ATP2B2: variants seen among roughly 807,000 people sequenced by gnomAD.
The protein encoded by ATP2B2 is plasma membrane calcium-transporting ATPase 2.
Under a neutral mutation model 120.0 loss-of-function variants are expected in ATP2B2, and 15 were observed. The ratio of observed to expected loss-of-function variants is 0.12; its 90% CI spans 0.08 to 0.19. The LOEUF (loss-of-function observed/expected upper bound fraction) is 0.19, where lower values mean the gene tolerates loss of function less well. Ranked by LOEUF, ATP2B2 falls within the 10% of genes least tolerant of loss-of-function variation. The pLI is 1.00. For synonymous variants in ATP2B2, 694 were observed against 700.3 expected, an observed-to-expected ratio of 0.99 and a Z score of 0.14; for missense variants, 1,045 against 1,719.8, an observed-to-expected ratio of 0.61 and a Z score of 6.94.
In ATP2B2 at chr3:10,449,714, A is replaced by AGC; in HGVS notation, c.-172_-171insGC. On this transcript the variant is annotated 5_prime_UTR_variant, in exon 2 of 23. It removes the in-frame stop codon of an upstream open reading frame in the 5' UTR. Transcript: ENST00000360273. The stretch of plus-strand genomic sequence containing the variant: ...GGGGTGGCCGAGGCGGGCTGGTGAC[A>AGC]GTGGTGGTGAGCTCCAAGAGGTGTC... 1.3e-6 allele frequency: 1 copy of AGC among 745,520 alleles called. No individual in the cohort carries two copies. Among genetic ancestry groups the AGC allele is most frequent in the Non-Finnish European group, 2.3e-6 (1 of 429,300 alleles). The allele number at this position is 745,520 out of a possible 1,614,324, so 46.2% of individuals were successfully genotyped here.
intron 2 of ATP2B2, among the ~76,000 whole-genome samples, chr3:10,585,837 C>T (rs1424023424): frequency 1.3e-5 from 2 of 152,114 alleles, no homozygotes; most frequent in Non-Finnish European, 2.9e-5. Flanking sequence ...TTGGTAGTGC[C>T]CTCAAAACTA....
intron 2 of ATP2B2, among the ~76,000 whole-genome samples, chr3:10,573,338 T>G (rs2068170574): frequency 6.6e-6 from 1 of 152,196 alleles, no homozygotes; most frequent in Admixed American, 6.5e-5. Flanking sequence ...GAGCTGTTGC[T>G]ATTTTGAAGT....
intron 1 of ATP2B2, among the ~76,000 whole-genome samples, chr3:10,486,781 A>G (rs568979380): frequency 2.6e-5 from 4 of 152,242 alleles, no homozygotes; most frequent in South Asian, 2.1e-4. Context: ...GTGCAGTGGC[A>G]TGATCTTGGC....
At chr3:10,706,724 T>C (rs1334264625) in intron 1 of ATP2B2, among the ~76,000 whole-genome samples, 1 of 151,416 alleles carries the variant, frequency 6.6e-6, no homozygotes, top group African/African-American at 2.4e-5. Flanking sequence ...ACTTTAAGAA[T>C]ATTAACTCAT....
At chr3:10,465,349 T>C (rs1181329806) in intron 1 of ATP2B2, among the ~76,000 whole-genome samples, 2 of 152,252 alleles carry the variant, frequency 1.3e-5, no homozygotes, top group Non-Finnish European at 2.9e-5. Flanking sequence ...TTTCTCAGCC[T>C]TGCAGTTGCC....
At chr3:10,335,717 C>T (rs923578633) in intron 22 of ATP2B2, among the ~76,000 whole-genome samples, 9 of 152,234 alleles carry the variant, frequency 5.9e-5, no homozygotes, top group African/African-American at 2.2e-4. Context: ...AACTCCAACC[C>T]TTGCCTTGGT....
chr3:10,630,230 TG>T (rs2069824542), intron 1 of ATP2B2, among the ~76,000 whole-genome samples: 1 of 152,194 alleles, frequency 6.6e-6, no homozygotes, highest in South Asian at 2.1e-4. Flanking sequence ...ACTTGTGCCA[TG>T]GGGGTTTGTT....
At chr3:10,617,480 G>A (rs2069423291) in intron 2 of ATP2B2, among the ~76,000 whole-genome samples, 1 of 152,246 alleles carries the variant, frequency 6.6e-6, no homozygotes, top group Admixed American at 6.5e-5. Flanking sequence ...ACTTAGGAAG[G>A]GAACGAAAGG....
rs567108654 is a variant in ATP2B2 at position 10,351,891 on chromosome 3, G to A, written c.2137-1314C>T. On this transcript the variant is annotated intron_variant, in intron 14 of 22. Coordinates refer to ENST00000360273, the MANE Select transcript of ATP2B2 (RefSeq NM_001001331.4). ...GAGGCAGAGACAGCTCCTCCCTATCGTCACTGGAAAGAGCCAGCCCTGCTG... is the reference window on the plus strand; with the variant it reads ...GAGGCAGAGACAGCTCCTCCCTATCATCACTGGAAAGAGCCAGCCCTGCTG... Among the ~76,000 whole-genome samples the A allele has an allele frequency of 5.3e-5, 8 of 152,338 alleles. No individual in the cohort carries two copies. In the East Asian group the frequency reaches 5.8e-4, roughly 11 times the overall value.
At chr3:10,591,790 G>T (rs892514972) in intron 2 of ATP2B2, among the ~76,000 whole-genome samples, 6 of 152,172 alleles carry the variant, frequency 3.9e-5, no homozygotes, top group Non-Finnish European at 8.8e-5. Context: ...GCTTAGGCTT[G>T]CACTGCTGAA....
At chr3:10,400,819 T>C (rs2062193975) in intron 5 of ATP2B2, 134 bp downstream of exon 5, 3 of 1,390,838 alleles carry the variant, frequency 2.2e-6, no homozygotes, top group Non-Finnish European at 2.0e-6. Context: ...GAGTTCTCAC[T>C]TGGGGCTGAG....
At chr3:10,696,052 G>A (rs985539691) in intron 1 of ATP2B2, among the ~76,000 whole-genome samples, 5 of 152,090 alleles carry the variant, frequency 3.3e-5, no homozygotes, top group East Asian at 1.9e-4. Flanking sequence ...GATAGTTCTC[G>A]TCTTAACATA....
At chr3:10,604,518 T>C (rs1189526046) in intron 2 of ATP2B2, among the ~76,000 whole-genome samples, 1 of 152,116 alleles carries the variant, frequency 6.6e-6, no homozygotes, top group Non-Finnish European at 1.5e-5. Context: ...CTGCACAGAG[T>C]CTGGAATCCA....
Position 10,550,582 on chromosome 3 carries a change from A to G in ATP2B2, c.-414-16449T>C, listed in dbSNP as rs548868331. On this transcript the variant is annotated intron_variant, in intron 2 of 21. Coordinates refer to the ATP2B2 transcript ENST00000646379. ...AAACATTTCTCCCTTCCAGCAGGACACATTCTCAATGCTCCAATGAAAGTC... is the reference window on the plus strand; with the variant it reads ...AAACATTTCTCCCTTCCAGCAGGACGCATTCTCAATGCTCCAATGAAAGTC... Among the ~76,000 whole-genome samples, 4 of 152,248 alleles carry G rather than the reference A, an allele frequency of 2.6e-5. No individual in the cohort carries two copies. In the South Asian group the frequency reaches 8.3e-4, roughly 32 times the overall value.
intron 1 of ATP2B2, among the ~76,000 whole-genome samples, chr3:10,491,432 G>C (rs1356447492): frequency 1.3e-5 from 2 of 152,022 alleles, no homozygotes; most frequent in Admixed American, 1.3e-4. Context: ...CACCATATTG[G>C]CCAGGCTGGT....
rs976391014 is a variant in ATP2B2, at chr3:10,468,073, T to C, written c.-319-18211A>G. On this transcript the variant is annotated intron_variant, in intron 1 of 22. Transcript: ENST00000360273. Reference sequence around the variant, plus strand: ...CTCCTGGATCTGGAAGGAGCACTAATGGGGCTGCCCCTTGGTGGAGATGCC... The same window carrying C: ...CTCCTGGATCTGGAAGGAGCACTAACGGGGCTGCCCCTTGGTGGAGATGCC... Among the ~76,000 whole-genome samples the C allele has an allele frequency of 1.5e-4, 23 of 152,262 alleles. No individual in the cohort carries two copies. The East Asian group carries it at 4.4e-3, about 29-fold the overall frequency.
chr3:10,458,166 C>G (rs2064344872), intron 1 of ATP2B2, among the ~76,000 whole-genome samples: 1 of 152,178 alleles, frequency 6.6e-6, no homozygotes, highest in Non-Finnish European at 1.5e-5. Context: ...CTCCATCCAT[C>G]TGTTCATCCA....
chr3:10,423,762 C>T (rs2063064389), intron 2 of ATP2B2, among the ~76,000 whole-genome samples: 1 of 152,196 alleles, frequency 6.6e-6, no homozygotes. Flanking sequence ...GAGTTCCAGT[C>T]TCCACCCTGA....
intron 3 of ATP2B2, among the ~76,000 whole-genome samples, chr3:10,515,426 C>T (rs4234498): frequency 0.96 from 146,112 of 152,284 alleles, 70,178 homozygotes; most frequent in East Asian, 1. Flanking sequence ...ATTTCTTCAG[C>T]ATTAAGAGGG....
Sources: allele counts gnomAD v4.1 joint callset (sites outside exome capture counted in the v4.1 genomes callset), GRCh38; gene constraint gnomAD v4.1.1; transcripts MANE v1.5; gene names NCBI Gene and HGNC (gene_info 2026-07-23, HGNC 2026-07-21).